PNPLA5: variants seen among roughly 807,000 people sequenced by gnomAD.
PNPLA5 encodes the protein patatin-like phospholipase domain-containing protein 5.
PNPLA5 carries 44 observed loss-of-function variants against 49.1 expected under a neutral mutation model. The ratio of observed to expected loss-of-function variants is 0.90; its 90% confidence interval spans 0.70 to 1.15. PNPLA5 has a LOEUF of 1.15. Among genes scored for constraint, PNPLA5 ranks in the 50% most tolerant of loss-of-function variants. The probability of loss-of-function intolerance (pLI) is 0.00; values close to 1 mark genes in which losing one functional copy is unlikely to be tolerated. For missense variants in PNPLA5, 603 were observed against 564.0 expected, an observed-to-expected ratio of 1.07 and a Z score of -0.70; for synonymous variants, 243 against 244.4, an observed-to-expected ratio of 0.99 and a Z score of 0.06.
intron 5 of PNPLA5, 78 bp downstream of exon 5, chr22:43,887,513 G>T: frequency 6.5e-7 from 1 of 1,527,384 alleles, no homozygotes; most frequent in Non-Finnish European, 8.9e-7. Flanking sequence ...GTCCCTAGCA[G>T]CTCAAAGGCC....
intron 6 of PNPLA5, chr22:43,884,549 T>A: frequency 3.2e-6 from 1 of 307,778 alleles, no homozygotes; most frequent in Non-Finnish European, 4.8e-6. Flanking sequence ...TGCCCTCTCG[T>A]AGATGAGGAG....
At chr22:43,881,160 G>A (rs555236195) in intron 8 of PNPLA5, among the ~76,000 whole-genome samples, 5 of 152,328 alleles carry the variant, frequency 3.3e-5, no homozygotes, top group Middle Eastern at 3.4e-3. Context: ...AGTCTGGAGG[G>A]CTGGTCAGAG....
At position 43,880,588 on chromosome 22, in the gene PNPLA5, G is replaced by A. The variant is rs1026624982; in HGVS notation, c.*207C>T. On this transcript the variant is annotated 3_prime_UTR_variant, in exon 9 of 9. Transcript: ENST00000216177. ...TCCTCCTTTCTCTCCCTGATGAGAC[G>A]GGGCAAGAGGGAGGGCAGGTGACCT... 2.2e-5 allele frequency: 9 copies of A among 417,822 alleles called. No individual in the cohort carries two copies. The highest frequency in any genetic ancestry group is 1.2e-4 in the South Asian group (1 of 8,228). The allele number at this position is 417,822 out of a possible 1,614,324, so 25.9% of individuals were successfully genotyped here. A position where few individuals can be genotyped will look rare whatever the true frequency, so the allele number is the denominator to read the frequency against.
intron 7 of PNPLA5, 91 bp downstream of exon 7, chr22:43,884,114 CGAGCCCTA>C: frequency 2.1e-6 from 2 of 930,502 alleles, no homozygotes; most frequent in Non-Finnish European, 3.0e-6. Flanking sequence ...CCCACCCCGC[CGAGCCCTA>C]CCCACCCAGT....
rs1248337891 is a variant in PNPLA5 at position 43,886,462 on chromosome 22, TC to T, written c.789del (p.Trp263Ter). The T allele has an allele frequency of 3.1e-6, 5 of 1,613,778 alleles. No homozygotes were observed. The highest frequency in any genetic ancestry group is 4.2e-6 in the Non-Finnish European group (5 of 1,179,848). On this transcript the variant is annotated frameshift_variant, in exon 6 of 9. Coordinates refer to ENST00000216177, the MANE Select transcript of PNPLA5 (RefSeq NM_138814.4). LOFTEE classifies it high-confidence loss of function. ...GCTGGGGGTTCCTTAGACACCAGCG[TC>T]CATAGCACTGGTTCCTTGGTGAGTC... ...RRGLTKEPVL[W>X]TLVSKEPPAP...
At chr22:43,890,156 G>C in intron 2 of PNPLA5, 1 of 822,292 alleles carries the variant, frequency 1.2e-6, no homozygotes, top group East Asian at 1.3e-4. Flanking sequence ...CAGACTCCTT[G>C]CCTGTGTAGC....
Position 43,891,890 on chromosome 22 carries a change from A to G in PNPLA5, c.-10T>C, listed in dbSNP as rs1157201651. On this transcript the variant is annotated 5_prime_UTR_variant, in exon 1 of 9. Coordinates refer to ENST00000216177, the MANE Select transcript of PNPLA5 (RefSeq NM_138814.4). ...CCTCTAAGAAGCCCATGGCGGGTGGACCGGGCGGGGTGATCGGGACGAGGA... is the reference window on the plus strand; with the variant it reads ...CCTCTAAGAAGCCCATGGCGGGTGGGCCGGGCGGGGTGATCGGGACGAGGA... The G allele has an allele frequency of 1.3e-6, 2 of 1,507,908 alleles. No individual in the cohort carries two copies. The highest frequency in any genetic ancestry group is 1.8e-6 in the Non-Finnish European group (2 of 1,135,430). 93.4% of individuals were successfully genotyped at this position (1,507,908 alleles called of 1,614,324 possible). A position where few individuals can be genotyped will look rare whatever the true frequency, so the allele number is the denominator to read the frequency against.
At chr22:43,888,371 A>T (rs993082155) in intron 4 of PNPLA5, among the ~76,000 whole-genome samples, 5 of 112,986 alleles carry the variant, frequency 4.4e-5, no homozygotes, top group African/African-American at 1.5e-4. Context: ...GGGGCAGAGG[A>T]GTGTGTGTGT....
At position 43,889,812 on chromosome 22, in the gene PNPLA5, T is replaced by C. The variant is rs1369729450; in HGVS notation, c.479A>G (p.Glu160Gly). 1 of 1,613,038 alleles carries C rather than the reference T, an allele frequency of 6.2e-7. No homozygotes were observed. Among genetic ancestry groups the C allele is most frequent in the South Asian group, 1.1e-5 (1 of 90,950 alleles). Residue 160 changes from glutamate to glycine, a missense_variant, in exon 3 of 9, where the codon GAG becomes GGG. Glu to Gly is a moderately conservative substitution (Grantham distance 98, BLOSUM62 -2). Coordinates refer to ENST00000216177, the MANE Select transcript of PNPLA5 (RefSeq NM_138814.4). ...FPFYCGLIPP[E>G]FRGERYIDGA... Reference sequence around the variant, plus strand: ...GAGTGCACTCACCTCCCCTCTGAACTCGGGGGGGATCAGCCCGCAGTAGAA... The same window carrying C: ...GAGTGCACTCACCTCCCCTCTGAACCCGGGGGGGATCAGCCCGCAGTAGAA...
intron 5 of PNPLA5, among the ~76,000 whole-genome samples, chr22:43,887,095 C>CT (rs2049672885): frequency 7.1e-6 from 1 of 140,298 alleles, no homozygotes. Context: ...ACACACACCC[C>CT]TCCTGCCATA....
At chr22:43,881,957 G>A (rs914947416) in intron 7 of PNPLA5, among the ~76,000 whole-genome samples, 4 of 152,204 alleles carry the variant, frequency 2.6e-5, no homozygotes, top group African/African-American at 4.8e-5. Context: ...GCGCAGGGAG[G>A]GAGAGGGTGG....
intron 4 of PNPLA5, among the ~76,000 whole-genome samples, chr22:43,888,167 G>A (rs533880240): frequency 6.6e-6 from 1 of 152,296 alleles, no homozygotes. Context: ...CATCCTTGCT[G>A]TGAGACTTCA....
chr22:43,880,933 G>T (rs750104976), intron 8 of PNPLA5, 48 bp from the exon 9 acceptor site: 8 of 1,304,228 alleles, frequency 6.1e-6, no homozygotes, highest in Non-Finnish European at 7.8e-6. Context: ...GCTCGGGAAG[G>T]GTAGGTGAAA....
Position 43,889,354 on chromosome 22 carries a change from A to G in PNPLA5, c.677T>C (p.Ile226Thr). The change falls in exon 4 of 9, where the codon ATA (isoleucine) becomes ACA (threonine). Residue 226 changes from isoleucine (I) to threonine (T), a missense_variant. Physicochemically the swap from Ile to Thr is moderately conservative, Grantham distance 89. Transcript: ENST00000216177. The stretch of plus-strand genomic sequence containing the variant: ...CTCGAGGCTGGGGGGTATGAGACAT[A>G]TGAGCCCCAGGAAGAAGTTCTCAGT... The part of the protein sequence containing the change: ...ISTENFFLGL[I>T]CLIPPSLEVV... 1.9e-6 allele frequency: 3 copies of G among 1,613,990 alleles called. No homozygotes were observed. Among genetic ancestry groups the G allele is most frequent in the Non-Finnish European group, 2.5e-6 (3 of 1,180,010 alleles).
chr22:43,881,786 G>T, intron 7 of PNPLA5, 112 bp from the exon 8 acceptor site: 2 of 1,475,330 alleles, frequency 1.4e-6, no homozygotes, highest in Non-Finnish European at 1.8e-6. Flanking sequence ...CCTGAGGGCT[G>T]CCCAGGTTAG....
At chr22:43,885,418 C>T (rs771744232) in intron 6 of PNPLA5, among the ~76,000 whole-genome samples, 2 of 151,690 alleles carry the variant, frequency 1.3e-5, no homozygotes, top group African/African-American at 2.4e-5. Flanking sequence ...CACCCCCTCC[C>T]GCCCACCTCA....
intron 7 of PNPLA5, among the ~76,000 whole-genome samples, chr22:43,883,022 A>G (rs1272637812): frequency 6.6e-6 from 1 of 151,828 alleles, no homozygotes; most frequent in African/African-American, 2.4e-5. Flanking sequence ...ACACTCCCTG[A>G]GGCTCCAGCT....
At chr22:43,886,842 A>C (rs902562965) in intron 5 of PNPLA5, among the ~76,000 whole-genome samples, 1 of 152,230 alleles carries the variant, frequency 6.6e-6, no homozygotes, top group African/African-American at 2.4e-5. Flanking sequence ...TGAGAATTAA[A>C]CAAGATAAAT....
chr22:43,888,480 G>T (rs1307918497), intron 4 of PNPLA5, among the ~76,000 whole-genome samples: 3 of 138,694 alleles, frequency 2.2e-5, no homozygotes, highest in Non-Finnish European at 4.5e-5. Flanking sequence ...TGTCACCCAG[G>T]CTAGAGTGTA....
Sources: gnomAD v4.1 joint callset for allele counts (sites outside exome capture counted in the v4.1 genomes callset) on GRCh38, gnomAD v4.1.1 for gene constraint, MANE v1.5 for transcripts, NCBI Gene and HGNC (gene_info 2026-07-23, HGNC 2026-07-21) for gene names.